The following SEC24C variants were observed in gnomAD, a reference collection of about 807,000 sequenced individuals.
SEC24C encodes the protein protein transport protein Sec24C.
Under a neutral mutation model 117.0 loss-of-function variants are expected in SEC24C, and 22 were observed. The observed-to-expected ratio is 0.19, with a 90% CI of 0.13 to 0.27. The LOEUF (loss-of-function observed/expected upper bound fraction) is 0.27. SEC24C is among the 10% of genes least tolerant of loss of function. The pLI, the probability that SEC24C is intolerant of heterozygous loss-of-function variation, is 1.00. For missense variants in SEC24C, 1,155 were observed against 1,375.1 expected (o/e 0.84, Z 2.53); for synonymous variants, 506 against 529.4 (o/e 0.96, Z 0.61).
intron 6 of SEC24C, among the ~76,000 whole-genome samples, chr10:73,763,109 G>A (rs557154017): frequency 2.6e-5 from 4 of 152,130 alleles, no homozygotes; most frequent in Non-Finnish European, 5.9e-5. Context: ...GGAGAGGATC[G>A]GGGAAGGCAT....
chr10:73,750,172 T>A (rs986046593), intron 2 of SEC24C, among the ~76,000 whole-genome samples: 5 of 152,238 alleles, frequency 3.3e-5, no homozygotes, highest in Admixed American at 6.5e-5. Context: ...AGTTTGGCAT[T>A]CTCTCATGAG....
intron 3 of SEC24C, among the ~76,000 whole-genome samples, chr10:73,758,281 A>T (rs184941394): frequency 6.6e-6 from 1 of 152,192 alleles, no homozygotes; most frequent in Non-Finnish European, 1.5e-5. Flanking sequence ...GTATAGACCT[A>T]TTCTTTTGTA....
chr10:73,760,108 G>T lies in SEC24C; in HGVS notation c.572G>T (p.Ser191Ile), dbSNP rs1378881990. 6.2e-7 allele frequency: 1 copy of T among 1,614,020 alleles called. No homozygotes were observed. Among genetic ancestry groups the T allele is most frequent in the South Asian group, 1.1e-5 (1 of 91,078 alleles). Residue 191 changes from serine (S) to isoleucine (I), a missense_variant, in exon 5 of 23, where the codon AGC (serine) becomes ATC (isoleucine). Coordinates refer to ENST00000345254, the MANE Select transcript of SEC24C (RefSeq NM_198597.3). ...CCTCAGGGCCAGGCTCCTCCCCTTA[G>T]CCAGGCCCAAGGTCATCCTGGGATC... The part of the protein sequence containing the change: ...SYPQGQAPPL[S>I]QAQGHPGIQT...
chr10:73,770,181 G>T, intron 20 of SEC24C, 99 bp from the exon 21 acceptor site: 1 of 1,294,332 alleles, frequency 7.7e-7, no homozygotes, highest in Non-Finnish European at 1.1e-6. Context: ...AGAAGGGGTG[G>T]TGTCTGAGGA....
chr10:73,745,401 G>T (rs1212806847), intron 1 of SEC24C, among the ~76,000 whole-genome samples: 2 of 151,310 alleles, frequency 1.3e-5, no homozygotes, highest in African/African-American at 4.9e-5. Context: ...TCTGCTTGAG[G>T]GATGAGGTGA....
chr10:73,747,773 C>A (rs1014137239), intron 2 of SEC24C, among the ~76,000 whole-genome samples: 3 of 151,598 alleles, frequency 2.0e-5, no homozygotes, highest in Non-Finnish European at 2.9e-5. Flanking sequence ...GATTCTCCTG[C>A]CTCAGCCTCC....
At chr10:73,763,427 G>A (rs2082827177) in intron 6 of SEC24C, 63 bp from the exon 7 acceptor site, 3 of 1,129,168 alleles carry the variant, frequency 2.7e-6, no homozygotes, top group Non-Finnish European at 4.0e-6. Context: ...TTTCACTCTT[G>A]GCACTCTGGG....
chr10:73,772,099 T>C lies in SEC24C; in HGVS notation c.*1004T>C. 2.4e-6 allele frequency: 1 copy of C among 411,916 alleles called. No individual in the cohort carries two copies. 25.5% of individuals were successfully genotyped at this position (411,916 alleles called of 1,614,324 possible). A position where few individuals can be genotyped will look rare whatever the true frequency, so the allele number is the denominator to read the frequency against. On this transcript the variant is annotated 3_prime_UTR_variant, in exon 23 of 23. Coordinates refer to ENST00000345254, the MANE Select transcript of SEC24C (RefSeq NM_198597.3). ...CCCTGCTCTGGACCTCTCATTTCTC[T>C]TCATTGGTTTATTTTTCAATGCATC... is the stretch of plus-strand genomic sequence containing the variant.
Position 73,746,968 on chromosome 10 carries a change from G to C in SEC24C, c.136G>C (p.Gly46Arg). The change falls in exon 2 of 23, where the codon GGC (glycine) becomes CGC (arginine). Residue 46 changes from glycine (G) to arginine (R), a missense_variant. By Grantham distance (125) the Gly-to-Arg change is moderately radical (BLOSUM62 -2). Around this residue, in one of 2 missense-constraint regions of SEC24C, gnomAD observed 396 missense variants for 382.8 expected, o/e 1.03. Transcript: ENST00000345254. ...CGCCATTCCCTATGGAGCCTACAAT[G>C]GCCCAGTACCAGGCTATCAGCAAAC... ...APAIPYGAYN[G>R]PVPGYQQTPP... 6.2e-7 allele frequency: 1 copy of C among 1,613,714 alleles called. No individual in the cohort carries two copies.
Position 73,769,322 on chromosome 10 carries a change from G to A in SEC24C, c.2425-25G>A. Reference sequence around the variant, plus strand: ...GGGCCTTTGTGAGGGAGGGGTGTGAGTTCCCCCTTTCTCCTTTCCCCTAGT... The same window carrying A: ...GGGCCTTTGTGAGGGAGGGGTGTGAATTCCCCCTTTCTCCTTTCCCCTAGT... On this transcript the variant is annotated intron_variant, in intron 17 of 22. Coordinates refer to ENST00000345254, the MANE Select transcript of SEC24C (RefSeq NM_198597.3). This position sits in a 1 kb window ranked among gnomAD's most constrained non-coding sequence, Gnocchi z 4.5. 1 of 1,612,498 alleles carries A rather than the reference G, an allele frequency of 6.2e-7. No homozygotes were observed.
At chr10:73,762,990 C>T (rs1281287531) in intron 6 of SEC24C, among the ~76,000 whole-genome samples, 2 of 152,206 alleles carry the variant, frequency 1.3e-5, no homozygotes, top group Non-Finnish European at 2.9e-5. Context: ...TAAATCTCTC[C>T]TCACCCTGTC....
intron 4 of SEC24C, 30 bp downstream of exon 4, chr10:73,759,824 T>C: frequency 6.5e-7 from 1 of 1,535,814 alleles, no homozygotes; most frequent in Non-Finnish European, 8.7e-7. Context: ...GGAATGTTAC[T>C]GTCCCCTGTT....
chr10:73,771,968 AT>A lies in SEC24C; in HGVS notation c.*875del. On this transcript the variant is annotated 3_prime_UTR_variant, in exon 23 of 23. Transcript: ENST00000345254. ...GCTGGGACACCGCTTGGGCTTTGGT[AT>A]TGACTGAGTGGCTGACAGTTATCTT... 1 of 204,214 alleles carries A rather than the reference AT, an allele frequency of 4.9e-6. No individual in the cohort carries two copies. The highest frequency in any genetic ancestry group is 9.8e-6 in the Non-Finnish European group (1 of 102,236). The allele number at this position is 204,214 out of a possible 1,614,324, so 12.7% of individuals were successfully genotyped here. A position where few individuals can be genotyped will look rare whatever the true frequency, so the allele number is the denominator to read the frequency against.
chr10:73,760,487 T>G, intron 5 of SEC24C, 101 bp downstream of exon 5: 1 of 1,403,236 alleles, frequency 7.1e-7, no homozygotes, highest in Non-Finnish European at 9.5e-7. Flanking sequence ...ACTTGCTAAG[T>G]GGTGAATTAG....
intron 3 of SEC24C, among the ~76,000 whole-genome samples, chr10:73,755,944 C>T (rs2082704089): frequency 6.6e-6 from 1 of 151,676 alleles, no homozygotes; most frequent in Non-Finnish European, 1.5e-5. Context: ...CTCTACCTCC[C>T]AGGTTCAAGC....
At position 73,771,021 on chromosome 10, in the gene SEC24C, A is replaced by T. The variant is rs1589532949; in HGVS notation, c.3211A>T (p.Ser1071Cys). 1 of 1,614,124 alleles carries T rather than the reference A, an allele frequency of 6.2e-7. No homozygotes were observed. The highest frequency in any genetic ancestry group is 2.2e-5 in the East Asian group (1 of 44,896). ...LFKHFLVEDK[S>C]LSGGASYVDF... ...CAAGCACTTCCTGGTGGAAGACAAGAGTCTGAGTGGGGGAGCATCTTATGT... is the reference window on the plus strand; with the variant it reads ...CAAGCACTTCCTGGTGGAAGACAAGTGTCTGAGTGGGGGAGCATCTTATGT... The change falls in exon 23 of 23, where the codon AGT becomes TGT. Residue 1071 changes from serine to cysteine, a missense_variant. This residue lies in a region of SEC24C where 759 missense variants were observed against 992.3 expected (regional missense o/e 0.76). Coordinates refer to ENST00000345254, the MANE Select transcript of SEC24C (RefSeq NM_198597.3).
intron 8 of SEC24C, among the ~76,000 whole-genome samples, chr10:73,764,905 G>A (rs1350351216): frequency 2.0e-5 from 3 of 152,146 alleles, no homozygotes; most frequent in Non-Finnish European, 4.4e-5. Context: ...TTATCTCTCC[G>A]TCTTTCTCTG....
intron 3 of SEC24C, among the ~76,000 whole-genome samples, chr10:73,758,052 T>C (rs1192917916): frequency 1.4e-5 from 2 of 144,794 alleles, no homozygotes; most frequent in Admixed American, 1.4e-4. Context: ...CCGGCCAACA[T>C]AGTGAAACCC....
At chr10:73,746,510 A>G (rs1043776576) in intron 1 of SEC24C, 3 of 220,050 alleles carry the variant, frequency 1.4e-5, no homozygotes, top group African/African-American at 6.8e-5. Flanking sequence ...ACTAGAAATC[A>G]TACCACTGGG....
Sources: allele counts gnomAD v4.1 joint callset (sites outside exome capture counted in the v4.1 genomes callset), GRCh38; gene constraint gnomAD v4.1.1; regional missense constraint gnomAD v4.1.1; non-coding constraint Gnocchi (gnomAD v3.1); transcripts MANE v1.5; gene names NCBI Gene and HGNC (gene_info 2026-07-23, HGNC 2026-07-21).